Variants in GLCCI1 observed in about 807,000 individuals in gnomAD.
GLCCI1 encodes glucocorticoid induced 1, also known as glucocorticoid-induced transcript 1 protein.
GLCCI1 carries 24 observed loss-of-function variants against 52.2 expected under a neutral mutation model. The observed-to-expected ratio is 0.46, with a 90% CI of 0.33 to 0.65. The LOEUF is 0.65. Among genes scored for constraint, GLCCI1 ranks in the 30% least tolerant of loss-of-function variants. The pLI is 0.02. For missense variants in GLCCI1, 704 were observed against 701.5 expected (o/e 1.00, Z -0.04); for synonymous variants, 310 against 276.5 (o/e 1.12, Z -1.20).
At chr7:8,021,531 G>A (rs1284218084) in intron 2 of GLCCI1, among the ~76,000 whole-genome samples, 2 of 152,066 alleles carry the variant, frequency 1.3e-5, no homozygotes, top group African/African-American at 4.8e-5. Flanking sequence ...TCCTGTCTCA[G>A]CCTCCTGAGT....
intron 1 of GLCCI1, among the ~76,000 whole-genome samples, chr7:7,974,433 A>T (rs1419244198): frequency 6.6e-6 from 1 of 152,178 alleles, no homozygotes; most frequent in African/African-American, 2.4e-5. Context: ...TTTATTAATT[A>T]CAGTACTTTT....
At chr7:8,041,681 G>A (rs184689656) in intron 3 of GLCCI1, among the ~76,000 whole-genome samples, 1 of 152,108 alleles carries the variant, frequency 6.6e-6, no homozygotes, top group Non-Finnish European at 1.5e-5. Context: ...TGCAGCTGCA[G>A]CTGGGCTCAA....
chr7:8,075,094 C>T (rs577493344), intron 6 of GLCCI1, among the ~76,000 whole-genome samples: 5 of 152,220 alleles, frequency 3.3e-5, no homozygotes, highest in South Asian at 4.2e-4. Flanking sequence ...AACATCTATT[C>T]GCTATGAATT....
chr7:7,984,334 A>G (rs1046390822), intron 1 of GLCCI1, among the ~76,000 whole-genome samples: 2 of 152,168 alleles, frequency 1.3e-5, no homozygotes, highest in Non-Finnish European at 2.9e-5. Flanking sequence ...TGCTGGTATT[A>G]CAGAGCCACC....
intron 3 of GLCCI1, among the ~76,000 whole-genome samples, chr7:8,031,192 CAGTACTATTCAGCCACGAAA>C (rs565714912): frequency 6.9e-4 from 105 of 152,242 alleles, no homozygotes; most frequent in Non-Finnish European, 1.3e-3. Context: ...ATAGACAAAG[CAGTACTATTCAGCCACGAAA>C]AGAATGAGAT....
At chr7:8,071,482 A>AAGTT (rs1386736526) in intron 6 of GLCCI1, among the ~76,000 whole-genome samples, 5 of 152,206 alleles carry the variant, frequency 3.3e-5, no homozygotes, top group Non-Finnish European at 7.3e-5. Context: ...ATCAAGCTTA[A>AAGTT]AGTTAGATTT....
chr7:8,030,259 A>G (rs1274990685), intron 3 of GLCCI1, among the ~76,000 whole-genome samples: 1 of 152,132 alleles, frequency 6.6e-6, no homozygotes, highest in African/African-American at 2.4e-5. Context: ...AAATGAGCTC[A>G]TTTTTGACAA....
At chr7:7,995,908 AT>A (rs528395948) in intron 1 of GLCCI1, among the ~76,000 whole-genome samples, 178 of 151,846 alleles carry the variant, frequency 1.2e-3, no homozygotes, top group African/African-American at 3.8e-3. Context: ...AATAAAAAAA[AT>A]AAAATAAATT....
At position 8,088,045 on chromosome 7, in the gene GLCCI1, C is replaced by T. The variant is rs1002120258; in HGVS notation, c.*1507C>T. 1 of 152,074 alleles carries T rather than the reference C, an allele frequency of 6.6e-6. No homozygotes were observed. Among genetic ancestry groups the T allele is most frequent in the Non-Finnish European group, 1.5e-5 (1 of 68,014 alleles). The allele number at this position is 152,074 out of a possible 1,614,324, so 9.4% of individuals were successfully genotyped here. A position where few individuals can be genotyped will look rare whatever the true frequency, so the allele number is the denominator to read the frequency against. On this transcript the variant is annotated 3_prime_UTR_variant, in exon 8 of 8. Transcript: ENST00000223145. ...AAAACCTAGAGTTGTTTCATCTGCGCCTAAAGTGTATGGCACAATTTTCTT... is the reference window on the plus strand; with the variant it reads ...AAAACCTAGAGTTGTTTCATCTGCGTCTAAAGTGTATGGCACAATTTTCTT...
At chr7:8,060,055 G>T (rs1206143109) in intron 4 of GLCCI1, 41 bp from the exon 5 acceptor site, 2 of 1,550,522 alleles carry the variant, frequency 1.3e-6, no homozygotes, top group South Asian at 1.2e-5. Context: ...TGATTGCTTT[G>T]ACCACAAATA....
intron 6 of GLCCI1, among the ~76,000 whole-genome samples, chr7:8,079,312 A>T (rs1055843461): frequency 4.0e-5 from 6 of 151,750 alleles, no homozygotes; most frequent in Non-Finnish European, 8.8e-5. Flanking sequence ...TGTTCCTGGA[A>T]ATTTTGCCAT....
At chr7:8,030,468 A>G (rs1021303382) in intron 3 of GLCCI1, among the ~76,000 whole-genome samples, 5 of 152,208 alleles carry the variant, frequency 3.3e-5, no homozygotes, top group Non-Finnish European at 5.9e-5. Flanking sequence ...TCTCCAGGAC[A>G]TTGGTCAGGG....
At chr7:7,996,940 T>A (rs78152545) in intron 1 of GLCCI1, among the ~76,000 whole-genome samples, 11,741 of 152,252 alleles carry the variant, frequency 0.077, 1,243 homozygotes, top group African/African-American at 0.24. Flanking sequence ...ATTCACAACT[T>A]GTGTCCTTCC....
chr7:8,079,032 T>C (rs548492704), intron 6 of GLCCI1, among the ~76,000 whole-genome samples: 4 of 152,346 alleles, frequency 2.6e-5, no homozygotes, highest in Non-Finnish European at 5.9e-5. Flanking sequence ...CTTTTGAACA[T>C]AGTAAATGCT....
chr7:8,088,556 G>A lies in GLCCI1; in HGVS notation c.*2018G>A, dbSNP rs949349148. On this transcript the variant is annotated 3_prime_UTR_variant, in exon 8 of 8. Coordinates refer to ENST00000223145, the MANE Select transcript of GLCCI1 (RefSeq NM_138426.4). ...TTAAAGGGGGAAAATTACTAGTTCCGTAAGATAAATATGAGCTCCATTTGA... is the reference window on the plus strand; with the variant it reads ...TTAAAGGGGGAAAATTACTAGTTCCATAAGATAAATATGAGCTCCATTTGA... 5.2e-5 allele frequency: 8 copies of A among 152,518 alleles called. No individual in the cohort carries two copies. Among genetic ancestry groups the A allele is most frequent in the Admixed American group, 3.3e-4 (5 of 15,272 alleles). The allele number at this position is 152,518 out of a possible 1,614,324, so 9.4% of individuals were successfully genotyped here.
At position 8,060,046 on chromosome 7, in the gene GLCCI1, G is replaced by T. The variant is rs759131546; in HGVS notation, c.814-50G>T. The T allele has an allele frequency of 3.3e-6, 5 of 1,496,042 alleles. No homozygotes were observed. The South Asian group carries it at 6.4e-5, about 19-fold the overall frequency. 92.7% of individuals were successfully genotyped at this position (1,496,042 alleles called of 1,614,324 possible). A position where few individuals can be genotyped will look rare whatever the true frequency, so the allele number is the denominator to read the frequency against. ...ATATTTACCATACTCTTTAGTTCTT[G>T]ATTGCTTTGACCACAAATAATTTGA... On this transcript the variant is annotated intron_variant, in intron 4 of 7. Coordinates refer to ENST00000223145, the MANE Select transcript of GLCCI1 (RefSeq NM_138426.4).
Position 8,070,911 on chromosome 7 carries a change from C to T in GLCCI1, c.967-10C>T. The T allele has an allele frequency of 6.2e-7, 1 of 1,610,062 alleles. No homozygotes were observed. Among genetic ancestry groups the T allele is most frequent in the Non-Finnish European group, 8.5e-7 (1 of 1,176,542 alleles). On this transcript the variant is annotated splice_polypyrimidine_tract_variant and intron_variant, in intron 5 of 7. Transcript: ENST00000223145. ...CAGCATTTGGATGTTTAATGGTATT[C>T]CTCTTACAGCCGTTGGACATACCAG...
chr7:8,020,265 T>A (rs544141965), intron 2 of GLCCI1, among the ~76,000 whole-genome samples: 41 of 152,244 alleles, frequency 2.7e-4, no homozygotes, highest in African/African-American at 9.9e-4. Context: ...CACTAGGTAA[T>A]AGGAATTTTT....
At chr7:8,014,692 T>A (rs1781340479) in intron 2 of GLCCI1, among the ~76,000 whole-genome samples, 1 of 152,238 alleles carries the variant, frequency 6.6e-6, no homozygotes, top group South Asian at 2.1e-4. Flanking sequence ...CTTACTAGCC[T>A]AGTATGTTTT....
Sources: allele counts gnomAD v4.1 joint callset (sites outside exome capture counted in the v4.1 genomes callset), GRCh38; gene constraint gnomAD v4.1.1; transcripts MANE v1.5; gene names NCBI Gene and HGNC (gene_info 2026-07-23, HGNC 2026-07-21).